The following DGKD variants were observed in gnomAD, a reference collection of about 807,000 sequenced individuals.
DGKD encodes DAG kinase delta.
A neutral mutation model predicts 154.4 loss-of-function variants in DGKD; 68 were observed. The ratio of observed to expected loss-of-function variants is 0.44; its 90% CI spans 0.36 to 0.54. DGKD has a LOEUF of 0.54. Among genes scored for constraint, DGKD ranks in the 20% least tolerant of loss-of-function variants. The pLI is 0.00. For missense variants in DGKD, 1,343 were observed against 1,593.6 expected (o/e 0.84, Z 2.68); for synonymous variants, 693 against 638.0 (o/e 1.09, Z -1.30).
intron 3 of DGKD, among the ~76,000 whole-genome samples, chr2:233,394,264 A>G (rs944206719): frequency 2.6e-5 from 4 of 152,076 alleles, no homozygotes; most frequent in Admixed American, 6.6e-5. Flanking sequence ...TCTTTCCTAG[A>G]CAAGGTCTTG....
chr2:233,438,505 C>A lies in DGKD; in HGVS notation c.1085+126C>A. ...TAGGAAAGAAAAGTTGAACTGCTTC[C>A]TTCCCAAATTGCACTTGCAGAGGTG... On this transcript the variant is annotated intron_variant, in intron 9 of 29. Coordinates refer to ENST00000264057, the MANE Select transcript of DGKD (RefSeq NM_152879.3). The surrounding 1 kb of genome is among the most constrained non-coding windows in gnomAD (Gnocchi z 4.1). The A allele has an allele frequency of 1.6e-6, 2 of 1,221,050 alleles. No homozygotes were observed. The highest frequency in any genetic ancestry group is 2.2e-6 in the Non-Finnish European group (2 of 892,456). 75.6% of individuals were successfully genotyped at this position (1,221,050 alleles called of 1,614,324 possible).
chr2:233,396,935 G>T (rs998298216), intron 3 of DGKD, among the ~76,000 whole-genome samples: 6 of 122,540 alleles, frequency 4.9e-5, no homozygotes, highest in African/African-American at 2.0e-4. Context: ...GCTGGGGGGG[G>T]CCAGAGCGAG....
At position 233,435,915 on chromosome 2, in the gene DGKD, T is replaced by G. The variant is rs142376901; in HGVS notation, c.684T>G (p.Asp228Glu). The G allele has an allele frequency of 1.3e-5, 21 of 1,609,196 alleles. No homozygotes were observed. The highest frequency in any genetic ancestry group is 1.6e-5 in the Non-Finnish European group (19 of 1,177,732). ...CGATCGGGAAGGACATCATTGAAGATGCAGATGGGGTATGTTAAGAAATAC... is the reference window on the plus strand; with the variant it reads ...CGATCGGGAAGGACATCATTGAAGAGGCAGATGGGGTATGTTAAGAAATAC... ...LASIGKDIIE[D>E]ADGIAMPHQW... is the part of the protein sequence containing the mutation. The change falls in exon 6 of 30, where the codon GAT (aspartate) becomes GAG (glutamate). Residue 228 changes from aspartate (D) to glutamate (E), a missense_variant. This residue lies in a region of DGKD where 332 missense variants were observed against 400.1 expected (regional missense o/e 0.83). Transcript: ENST00000264057.
rs2063494812 is a variant in DGKD at position 233,457,387 on chromosome 2, CA to C, written c.2580+60del. The C allele has an allele frequency of 4.7e-6, 6 of 1,277,844 alleles. No homozygotes were observed. The highest frequency in any genetic ancestry group is 1.8e-4 in the Middle Eastern group (1 of 5,432). 79.2% of individuals were successfully genotyped at this position (1,277,844 alleles called of 1,614,324 possible). Reference sequence around the variant, plus strand: ...TCAGTGGGGAAGAGCTGTCTGAGAGCAGGGGGGTGTTCTGCTGTGGCTGGGG... The same window carrying C: ...TCAGTGGGGAAGAGCTGTCTGAGAGCGGGGGGTGTTCTGCTGTGGCTGGGG... On this transcript the variant is annotated intron_variant, in intron 21 of 29. Transcript: ENST00000264057. This position sits in a 1 kb window ranked among gnomAD's most constrained non-coding sequence, Gnocchi z 5.5.
intron 1 of DGKD, among the ~76,000 whole-genome samples, chr2:233,377,359 C>T (rs543108006): frequency 1.1e-4 from 16 of 152,336 alleles, no homozygotes; most frequent in Non-Finnish European, 1.9e-4. Flanking sequence ...GCTGGGATTA[C>T]AGGCGTGAGC....
At chr2:233,417,727 T>G (rs934539117) in intron 3 of DGKD, among the ~76,000 whole-genome samples, 3 of 152,162 alleles carry the variant, frequency 2.0e-5, no homozygotes, top group African/African-American at 7.2e-5. Flanking sequence ...TTAAACACTA[T>G]TATATAGACC....
At chr2:233,463,613 G>A (rs955669131) in intron 26 of DGKD, among the ~76,000 whole-genome samples, 2 of 138,526 alleles carry the variant, frequency 1.4e-5, no homozygotes, top group African/African-American at 2.9e-5. Flanking sequence ...CTCACTCCAC[G>A]CATCTCCTCA....
chr2:233,466,583 G>A (rs1397414429), intron 27 of DGKD, among the ~76,000 whole-genome samples: 1 of 152,130 alleles, frequency 6.6e-6, no homozygotes, highest in African/African-American at 2.4e-5. Flanking sequence ...GCTGTCAAGA[G>A]CAGAGGCCGA....
intron 3 of DGKD, chr2:233,429,057 G>C: frequency 2.2e-6 from 2 of 924,810 alleles, no homozygotes. Flanking sequence ...ATAATTTGCT[G>C]TCTAGTAGTG....
At chr2:233,388,186 T>C (rs111871188) in intron 1 of DGKD, 71 bp from the exon 2 acceptor site, 1 of 1,578,154 alleles carries the variant, frequency 6.3e-7, no homozygotes, top group East Asian at 2.2e-5. Context: ...CGCAACAGGC[T>C]GCGTTTCAGC....
intron 27 of DGKD, among the ~76,000 whole-genome samples, chr2:233,466,273 G>A (rs1047614629): frequency 2.6e-5 from 4 of 151,316 alleles, no homozygotes; most frequent in Non-Finnish European, 4.4e-5. Flanking sequence ...TGATAGATCA[G>A]TTAACTCTAA....
At chr2:233,391,992 A>C (rs1703652388) in intron 3 of DGKD, 1 of 151,980 alleles carries the variant, frequency 6.6e-6, no homozygotes, top group African/African-American at 2.4e-5. Flanking sequence ...GTAGGTGTTG[A>C]ATTTCTTTGG....
chr2:233,409,118 C>T (rs994329940), intron 3 of DGKD: 10 of 152,136 alleles, frequency 6.6e-5, no homozygotes, highest in South Asian at 6.2e-4. Context: ...CGCAGTTACT[C>T]GTCTGGGCTG....
chr2:233,434,837 G>A lies in DGKD; in HGVS notation c.522G>A (p.Pro174=), dbSNP rs769776662. 25 of 1,614,080 alleles carry A rather than the reference G, an allele frequency of 1.5e-5. No homozygotes were observed. The highest frequency in any genetic ancestry group is 5.0e-5 in the Admixed American group (3 of 60,008). ...GGTACGCCTGTTCCCACGCGAGGCC[G>A]ACCTACTGCAATGTGTGCCGTGAGG... is the stretch of plus-strand genomic sequence containing the variant. ...HNWYACSHAR[P]TYCNVCREAL... is the part of the protein sequence containing the mutation. Residue 174 remains proline, a synonymous_variant, in exon 5 of 30, where the codon CCG becomes CCA. Transcript: ENST00000264057.
chr2:233,391,575 A>C (rs1703623331), intron 3 of DGKD, among the ~76,000 whole-genome samples: 1 of 152,248 alleles, frequency 6.6e-6, no homozygotes, highest in Non-Finnish European at 1.5e-5. Context: ...CTCTAATAAC[A>C]GCACTAGAAC....
intron 3 of DGKD, among the ~76,000 whole-genome samples, chr2:233,426,569 A>C (rs536131841): frequency 2.6e-5 from 4 of 152,304 alleles, no homozygotes; most frequent in Non-Finnish European, 5.9e-5. Context: ...TACACAGAGT[A>C]TATGTCGTCT....
intron 1 of DGKD, among the ~76,000 whole-genome samples, chr2:233,370,859 C>T (rs1187868735): frequency 6.6e-6 from 1 of 151,980 alleles, no homozygotes; most frequent in Non-Finnish European, 1.5e-5. Flanking sequence ...TCAAGCAGTC[C>T]TCCCACCTCA....
chr2:233,456,870 C>T, intron 19 of DGKD, 29 bp from the exon 20 acceptor site: 1 of 1,574,320 alleles, frequency 6.4e-7, no homozygotes, highest in Non-Finnish European at 8.7e-7. Flanking sequence ...AAGCCCAGAC[C>T]TATGGCAAGT....
chr2:233,412,017 A>C (rs761617340), intron 3 of DGKD, among the ~76,000 whole-genome samples: 10 of 152,004 alleles, frequency 6.6e-5, no homozygotes, highest in Non-Finnish European at 1.3e-4. Context: ...CACTTTGTTG[A>C]TTACTGTAGT....
Sources: allele counts gnomAD v4.1 joint callset (sites outside exome capture counted in the v4.1 genomes callset), GRCh38; gene constraint gnomAD v4.1.1; regional missense constraint gnomAD v4.1.1; non-coding constraint Gnocchi (gnomAD v3.1); transcripts MANE v1.5; gene names NCBI Gene and HGNC (gene_info 2026-07-23, HGNC 2026-07-21).